The following C7orf78 variants were observed in gnomAD, a reference collection of about 807,000 sequenced individuals.
C7orf78 encodes the protein putative uncharacterized protein C7orf78.
chr7:12,502,931 T>C, the C7orf78 span, among the ~76,000 whole-genome samples: 1 of 151,206 alleles, frequency 6.6e-6, no homozygotes, highest in Non-Finnish European at 1.5e-5. Flanking sequence ...ATGTCCTTTG[T>C]AGGGACCTGG....
chr7:12,498,721 G>A, the C7orf78 span, among the ~76,000 whole-genome samples: 1 of 150,704 alleles, frequency 6.6e-6, no homozygotes, highest in Non-Finnish European at 1.5e-5. Context: ...TCAGATTCAG[G>A]AAATACAGAG....
At chr7:12,510,144 C>G in the C7orf78 span, among the ~76,000 whole-genome samples, 4 of 146,474 alleles carry the variant, frequency 2.7e-5, no homozygotes, top group Non-Finnish European at 6.0e-5. Flanking sequence ...TTGGTGGATA[C>G]AGCTTGATTT....
At chr7:12,522,481 C>T in the C7orf78 span, among the ~76,000 whole-genome samples, 4,362 of 152,176 alleles carry the variant, frequency 0.029, 197 homozygotes, top group African/African-American at 0.099. Flanking sequence ...TAGAAATAGG[C>T]AATGACAAAT....
the C7orf78 span, chr7:12,529,055 C>T: frequency 2.5e-6 from 1 of 398,428 alleles, no homozygotes; most frequent in Non-Finnish European, 4.4e-6. Flanking sequence ...GTGAGTTTGA[C>T]TTTCTCTATA....
the C7orf78 span, among the ~76,000 whole-genome samples, chr7:12,486,249 C>A: frequency 2.0e-5 from 3 of 151,982 alleles, no homozygotes; most frequent in African/African-American, 7.2e-5. Flanking sequence ...AACTCCATTC[C>A]ATCTAGCATT....
the C7orf78 span, among the ~76,000 whole-genome samples, chr7:12,530,090 G>A: frequency 0.018 from 2,802 of 152,190 alleles, 76 homozygotes; most frequent in African/African-American, 0.064. Flanking sequence ...GTCTGGAGTT[G>A]AGTCCCGCCT....
At chr7:12,518,853 G>T in the C7orf78 span, among the ~76,000 whole-genome samples, 1 of 152,084 alleles carries the variant, frequency 6.6e-6, no homozygotes, top group Admixed American at 6.5e-5. Flanking sequence ...TGGGTAGGTT[G>T]CTATCAGCAG....
the C7orf78 span, among the ~76,000 whole-genome samples, chr7:12,500,524 A>C: frequency 6.7e-6 from 1 of 150,124 alleles, no homozygotes; most frequent in Non-Finnish European, 1.5e-5. Context: ...CCCAAGACTA[A>C]ACCAGGAAGA....
the C7orf78 span, among the ~76,000 whole-genome samples, chr7:12,511,982 A>G: frequency 5.0e-5 from 6 of 120,298 alleles, no homozygotes; most frequent in East Asian, 7.8e-4. Flanking sequence ...TCACCGTGTT[A>G]GCCAGGATGG....
At chr7:12,489,271 G>T in the C7orf78 span, among the ~76,000 whole-genome samples, 13 of 57,700 alleles carry the variant, frequency 2.3e-4, no homozygotes, top group African/African-American at 1.2e-3. Context: ...CATCTGGATG[G>T]TTATTTATAT....
At chr7:12,511,616 C>A in the C7orf78 span, among the ~76,000 whole-genome samples, 1 of 151,980 alleles carries the variant, frequency 6.6e-6, no homozygotes, top group Admixed American at 6.6e-5. Flanking sequence ...TTAGGTATTT[C>A]TTTGTAGCTA....
chr7:12,535,553 A>C, the C7orf78 span, among the ~76,000 whole-genome samples: 1 of 152,138 alleles, frequency 6.6e-6, no homozygotes, highest in South Asian at 2.1e-4. Flanking sequence ...GGCCCCTCCC[A>C]AATCTCATGT....
the C7orf78 span, among the ~76,000 whole-genome samples, chr7:12,486,510 T>G: frequency 1.3e-5 from 2 of 152,004 alleles, no homozygotes; most frequent in African/African-American, 4.8e-5. Context: ...ATGAATAATC[T>G]CCTAGACAAT....
At chr7:12,522,679 T>C in the C7orf78 span, among the ~76,000 whole-genome samples, 1 of 152,186 alleles carries the variant, frequency 6.6e-6, no homozygotes, top group South Asian at 2.1e-4. Flanking sequence ...TACACAGGTT[T>C]TATTTTTGGC....
the C7orf78 span, chr7:12,541,351 T>C: frequency 6.6e-6 from 1 of 152,318 alleles, no homozygotes; most frequent in Non-Finnish European, 1.5e-5. Flanking sequence ...TTCATAGAAA[T>C]AAGAATTCTC....
At chr7:12,538,532 C>T in the C7orf78 span, 1 of 152,158 alleles carries the variant, frequency 6.6e-6, no homozygotes, top group Non-Finnish European at 1.5e-5. Flanking sequence ...TTATGGAGGA[C>T]ATTTTTGCGC....
chr7:12,490,212 T>A, the C7orf78 span, among the ~76,000 whole-genome samples: 1 of 152,148 alleles, frequency 6.6e-6, no homozygotes, highest in Non-Finnish European at 1.5e-5. Context: ...ATTTTACTTC[T>A]GATGTAACTG....
chr7:12,526,516 T>G, the C7orf78 span, among the ~76,000 whole-genome samples: 1 of 152,160 alleles, frequency 6.6e-6, no homozygotes, highest in Non-Finnish European at 1.5e-5. Flanking sequence ...CAATAAGATG[T>G]TAACAGTGTT....
At chr7:12,539,176 C>A in the C7orf78 span, among the ~76,000 whole-genome samples, 3 of 152,104 alleles carry the variant, frequency 2.0e-5, no homozygotes, top group Non-Finnish European at 2.9e-5. Context: ...AAAGACAAAG[C>A]CTTTAGGGCC....
Sources: allele counts gnomAD v4.1 joint callset (sites outside exome capture counted in the v4.1 genomes callset), GRCh38; gene constraint gnomAD v4.1.1; transcripts MANE v1.5; gene names NCBI Gene and HGNC (gene_info 2026-07-23, HGNC 2026-07-21).